FBLN2: variants seen among roughly 807,000 people sequenced by gnomAD.
FBLN2 encodes fibulin 2, also known as fibulin-2.
A neutral mutation model predicts 123.7 loss-of-function variants in FBLN2; 81 were observed. That is an observed-to-expected ratio of 0.65 (90% CI 0.55 to 0.79). FBLN2 has a LOEUF of 0.79. FBLN2 is among the 30% of genes least tolerant of loss of function. The pLI, the probability that FBLN2 is intolerant of heterozygous loss-of-function variation, is 0.00. For synonymous variants in FBLN2, 699 were observed against 701.4 expected, an observed-to-expected ratio of 1.00 and a Z score of 0.05; for missense variants, 1,603 against 1,681.3, an observed-to-expected ratio of 0.95 and a Z score of 0.81.
intron 1 of FBLN2, among the ~76,000 whole-genome samples, chr3:13,552,182 C>T (rs1409504640): frequency 2.0e-5 from 3 of 151,342 alleles, no homozygotes; most frequent in East Asian, 3.9e-4. Flanking sequence ...AAGGTCCCTT[C>T]CCCCACACTG....
chr3:13,559,411 C>A (rs1049809032), intron 1 of FBLN2, among the ~76,000 whole-genome samples: 1 of 152,160 alleles, frequency 6.6e-6, no homozygotes, highest in Non-Finnish European at 1.5e-5. Context: ...CACTTGATGA[C>A]AAGATGGCTT....
intron 1 of FBLN2, among the ~76,000 whole-genome samples, chr3:13,560,816 C>T (rs1327741108): frequency 6.6e-6 from 1 of 151,956 alleles, no homozygotes; most frequent in Non-Finnish European, 1.5e-5. Flanking sequence ...GTCTCTCTTT[C>T]TCTCTCTGTC....
intron 11 of FBLN2, 149 bp downstream of exon 11, chr3:13,628,118 G>A (rs757418320): frequency 5.8e-6 from 6 of 1,035,592 alleles, no homozygotes; most frequent in Non-Finnish European, 8.4e-6. Flanking sequence ...GAATGGGCAT[G>A]TCAAGTGTTC....
Position 13,619,729 on chromosome 3 carries a change from G to C in FBLN2, c.2054-1G>C. The C allele has an allele frequency of 6.2e-7, 1 of 1,613,100 alleles. No homozygotes were observed. Among genetic ancestry groups the C allele is most frequent in the Non-Finnish European group, 8.5e-7 (1 of 1,179,382 alleles). ...TCTGATTTCTGTGTGGTTTCCTCCA[G>C]ACAATGGACCCTGCAAGCAGGTGTG... On this transcript the variant is annotated splice_acceptor_variant, in intron 7 of 17. Coordinates refer to ENST00000404922, the MANE Select transcript of FBLN2 (RefSeq NM_001004019.2). LOFTEE classifies it high-confidence loss of function.
At position 13,555,816 on chromosome 3, in the gene FBLN2, G is replaced by C. The variant is rs150755649; in HGVS notation, c.-42+6608G>C. Among the ~76,000 whole-genome samples, 681 of 152,368 alleles carry C rather than the reference G, an allele frequency of 4.5e-3. 2 individuals are homozygous for C. The highest frequency in any genetic ancestry group is 0.036 in the South Asian group (174 of 4,832). On this transcript the variant is annotated intron_variant, in intron 1 of 17. Coordinates refer to ENST00000404922, the MANE Select transcript of FBLN2 (RefSeq NM_001004019.2). ...GAGGTGTGGGAGGCACACCCGTGCT[G>C]TCTAGAGACGGTCTCCAATAGCCAG...
Position 13,571,035 on chromosome 3 carries a change from G to A in FBLN2, c.680G>A (p.Gly227Asp), listed in dbSNP as rs865816597. ...GGTGCAGTCCAGGCAGGCGCAGGGG[G>A]CCCCCCAGCTGCTCTGGGAGGTGGG... ...QAGAVQAGAG[G>D]PPAALGGGSQ... is the part of the protein sequence containing the mutation. The change falls in exon 2 of 18, where the codon GGC becomes GAC. Residue 227 changes from glycine to aspartate, a missense_variant. Transcript: ENST00000404922. The A allele has an allele frequency of 1.9e-6, 3 of 1,572,532 alleles. No homozygotes were observed. The highest frequency in any genetic ancestry group is 1.9e-5 in the Admixed American group (1 of 53,158).
At position 13,549,217 on chromosome 3, in the gene FBLN2, A is replaced by C. The variant is rs1298095874; in HGVS notation, c.-42+9A>C. 5 of 983,178 alleles carry C rather than the reference A, an allele frequency of 5.1e-6. No individual in the cohort carries two copies. The East Asian group carries it at 3.4e-4, about 68-fold the overall frequency. The allele number at this position is 983,178 out of a possible 1,614,324, so 60.9% of individuals were successfully genotyped here. ...GAGCGCAGTGCCCCGCGGTGAGTGCACGCGGCCCCTCCCGCCCGGACTCAT... is the reference window on the plus strand; with the variant it reads ...GAGCGCAGTGCCCCGCGGTGAGTGCCCGCGGCCCCTCCCGCCCGGACTCAT... On this transcript the variant is annotated intron_variant, in intron 1 of 17. Coordinates refer to ENST00000404922, the MANE Select transcript of FBLN2 (RefSeq NM_001004019.2).
At chr3:13,612,380 G>C (rs1705433843) in intron 4 of FBLN2, among the ~76,000 whole-genome samples, 1 of 114,264 alleles carries the variant, frequency 8.8e-6, no homozygotes, top group South Asian at 2.6e-4. Context: ...CTCTCTGTCT[G>C]TCTGTCTGTC....
At chr3:13,624,656 C>T (rs544882304) in intron 9 of FBLN2, among the ~76,000 whole-genome samples, 1 of 152,348 alleles carries the variant, frequency 6.6e-6, no homozygotes, top group South Asian at 2.1e-4. Flanking sequence ...AATGTCACCA[C>T]TCCTGAGAAG....
intron 4 of FBLN2, among the ~76,000 whole-genome samples, chr3:13,611,434 C>T (rs1441177319): frequency 6.6e-6 from 1 of 152,162 alleles, no homozygotes; most frequent in African/African-American, 2.4e-5. Flanking sequence ...CTCCCATTCC[C>T]TCTCCCTGTA....
intron 4 of FBLN2, among the ~76,000 whole-genome samples, chr3:13,610,233 G>A (rs1705345916): frequency 2.0e-5 from 3 of 152,200 alleles, no homozygotes; most frequent in African/African-American, 2.4e-5. Flanking sequence ...GGAGTGCATC[G>A]AGTGACAGGG....
intron 1 of FBLN2, among the ~76,000 whole-genome samples, chr3:13,561,671 T>C (rs1703610774): frequency 6.6e-6 from 1 of 152,230 alleles, no homozygotes; most frequent in Non-Finnish European, 1.5e-5. Context: ...CAAAGGAGCA[T>C]GCGGTCTGTC....
At chr3:13,633,348 T>C (rs1706326604) in intron 16 of FBLN2, among the ~76,000 whole-genome samples, 1 of 152,216 alleles carries the variant, frequency 6.6e-6, no homozygotes, top group Non-Finnish European at 1.5e-5. Flanking sequence ...CCAGGTCCCC[T>C]CTGCAGGCCC....
At chr3:13,587,869 A>C (rs751029547) in intron 2 of FBLN2, among the ~76,000 whole-genome samples, 7 of 152,134 alleles carry the variant, frequency 4.6e-5, no homozygotes, top group Non-Finnish European at 7.4e-5. Flanking sequence ...GGCACCCCCC[A>C]ATCTTGCTTT....
At position 13,601,804 on chromosome 3, in the gene FBLN2, A is replaced by G. The variant is rs115438268; in HGVS notation, c.1307-6258A>G. 9.9e-3 allele frequency among the ~76,000 whole-genome samples: 1,514 copies of G among 152,272 alleles called. 22 individuals carry two copies. The highest frequency in any genetic ancestry group is 0.014 in the Non-Finnish European group (933 of 68,010). On this transcript the variant is annotated intron_variant, in intron 2 of 17. Transcript: ENST00000404922. ...CAGTGCTGACTGCTGTGAGAGGGTT[A>G]TTTATTTGTTTCTTTGAGACAAGGT...
intron 4 of FBLN2, among the ~76,000 whole-genome samples, chr3:13,613,657 G>A (rs542608861): frequency 6.6e-6 from 1 of 152,160 alleles, no homozygotes; most frequent in African/African-American, 2.4e-5. Context: ...AACTGCAAAG[G>A]CCCCTGGGAA....
intron 16 of FBLN2, among the ~76,000 whole-genome samples, chr3:13,634,764 C>T (rs1706397832): frequency 6.6e-6 from 1 of 152,234 alleles, no homozygotes; most frequent in African/African-American, 2.4e-5. Context: ...ACAAGAGAGC[C>T]TGGCAGCCAA....
At chr3:13,576,250 G>A (rs753877750) in intron 2 of FBLN2, among the ~76,000 whole-genome samples, 1 of 152,206 alleles carries the variant, frequency 6.6e-6, no homozygotes, top group Non-Finnish European at 1.5e-5. Flanking sequence ...AGCAGAATGA[G>A]TAGATGGGAA....
chr3:13,571,429 T>A lies in FBLN2; in HGVS notation c.1074T>A (p.His358Gln), dbSNP rs369046020. Residue 358 changes from histidine to glutamine, a missense_variant, in exon 2 of 18, where the codon CAT becomes CAA. Coordinates refer to ENST00000404922, the MANE Select transcript of FBLN2 (RefSeq NM_001004019.2). ...SRSTGPEGVTHAPSLGKAALV... is the reference protein window; with the variant it reads ...SRSTGPEGVTQAPSLGKAALV... ...GCACTGGGCCGGAGGGCGTGACGCA[T>A]GCACCGAGCCTGGGCAAGGCTGCTC... 1.2e-4 allele frequency: 195 copies of A among 1,612,852 alleles called. No homozygotes were observed. Among genetic ancestry groups the A allele is most frequent in the Non-Finnish European group, 1.5e-4 (178 of 1,179,614 alleles).
Sources: gnomAD v4.1 joint callset for allele counts (sites outside exome capture counted in the v4.1 genomes callset) on GRCh38, gnomAD v4.1.1 for gene constraint, MANE v1.5 for transcripts, NCBI Gene and HGNC (gene_info 2026-07-23, HGNC 2026-07-21) for gene names.